The following GABRA1 variants were observed in gnomAD, a reference collection of about 807,000 sequenced individuals.
GABRA1 encodes gamma-aminobutyric acid receptor subunit alpha-1.
In GABRA1, 9 loss-of-function variants were observed where a neutral mutation model predicts 48.9. The observed-to-expected ratio is 0.18, with a 90% confidence interval of 0.11 to 0.32. The LOEUF (loss-of-function observed/expected upper bound fraction) is 0.32, where lower values mean the gene tolerates loss of function less well. GABRA1 is among the 10% of genes least tolerant of loss of function. The pLI is 1.00. For missense variants in GABRA1, 285 were observed against 553.8 expected (o/e 0.51, Z 4.87); for synonymous variants, 210 against 198.7 (o/e 1.06, Z -0.48).
chr5:161,883,235 G>C (rs975159933), intron 7 of GABRA1, among the ~76,000 whole-genome samples: 3 of 152,030 alleles, frequency 2.0e-5, no homozygotes, highest in African/African-American at 7.2e-5. Flanking sequence ...CTACAAATTC[G>C]TTTGTATCTC....
chr5:161,847,498 T>C (rs1757259348), upstream of GABRA1: 1 of 152,186 alleles, frequency 6.6e-6, no homozygotes, highest in African/African-American at 2.4e-5. Flanking sequence ...GTATTCTTGC[T>C]GTCCTCTAAG....
At chr5:161,865,599 A>C in intron 3 of GABRA1, 122 bp from the exon 4 acceptor site, 1 of 823,194 alleles carries the variant, frequency 1.2e-6, no homozygotes, top group South Asian at 1.3e-5. Context: ...TACACAGTGG[A>C]CCAATTTTAG....
chr5:161,881,824 A>G (rs1021176764), intron 6 of GABRA1: 3 of 151,690 alleles, frequency 2.0e-5, no homozygotes, highest in African/African-American at 7.3e-5. Context: ...TGAACCCGGG[A>G]GGCGGAAATT....
At chr5:161,885,256 T>C (rs1754793231) in intron 7 of GABRA1, among the ~76,000 whole-genome samples, 1 of 152,114 alleles carries the variant, frequency 6.6e-6, no homozygotes, top group South Asian at 2.1e-4. Flanking sequence ...CCTTGATAGA[T>C]TTCAGTAGAA....
chr5:161,897,298 T>C lies in GABRA1; in HGVS notation c.1247T>C (p.Val416Ala). 6.2e-7 allele frequency: 1 copy of C among 1,614,144 alleles called. No individual in the cohort carries two copies. The highest frequency in any genetic ancestry group is 8.5e-7 in the Non-Finnish European group (1 of 1,180,010). ...GAACCCAAGAAAACCTTTAACAGTG[T>C]CAGCAAAATTGACCGACTGTCAAGA... The part of the protein sequence containing the change: ...PPEPKKTFNS[V>A]SKIDRLSRIA... Residue 416 changes from valine to alanine, a missense_variant, in exon 10 of 10, where the codon GTC becomes GCC. By Grantham distance (64) the Val-to-Ala change is moderately conservative. Transcript: ENST00000393943.
intron 2 of GABRA1, among the ~76,000 whole-genome samples, chr5:161,851,425 T>C (rs1757442248): frequency 6.6e-6 from 1 of 152,146 alleles, no homozygotes; most frequent in Admixed American, 6.5e-5. Context: ...TTAAGAACTT[T>C]GGTAAAATCA....
At position 161,898,406 on chromosome 5, in the gene GABRA1, A is replaced by G. The variant is rs931133246; in HGVS notation, c.*984A>G. On this transcript the variant is annotated 3_prime_UTR_variant, in exon 10 of 10. Coordinates refer to ENST00000393943, the MANE Select transcript of GABRA1 (RefSeq NM_001127644.2). ...TTTATGACTAGCAAACAAAAATAGA[A>G]TATATAAACGATATATGTAAATATA... 6.6e-6 allele frequency: 1 copy of G among 152,608 alleles called. No homozygotes were observed. Among genetic ancestry groups the G allele is most frequent in the African/African-American group, 2.4e-5 (1 of 41,466 alleles). 9.5% of individuals were successfully genotyped at this position (152,608 alleles called of 1,614,324 possible).
chr5:161,878,152 A>T (rs1403748430), intron 6 of GABRA1, among the ~76,000 whole-genome samples: 1 of 152,212 alleles, frequency 6.6e-6, no homozygotes, highest in Non-Finnish European at 1.5e-5. Flanking sequence ...GAATGGATAA[A>T]GGTTACAAGA....
chr5:161,868,753 A>T (rs1388332421), intron 4 of GABRA1, among the ~76,000 whole-genome samples: 2 of 152,198 alleles, frequency 1.3e-5, no homozygotes, highest in African/African-American at 4.8e-5. Context: ...TTTCTTAAAA[A>T]ATAGGTGACA....
At position 161,897,455 on chromosome 5, in the gene GABRA1, T is replaced by G; in HGVS notation, c.*33T>G. On this transcript the variant is annotated 3_prime_UTR_variant, in exon 10 of 10. Coordinates refer to ENST00000393943, the MANE Select transcript of GABRA1 (RefSeq NM_001127644.2). The stretch of plus-strand genomic sequence containing the variant: ...ACTCACATTCTGTTGTTCAGTCCTC[T>G]GCACTGGGAATTTATTTATGTTCTC... The G allele has an allele frequency of 2.6e-6, 4 of 1,558,582 alleles. No individual in the cohort carries two copies. The highest frequency in any genetic ancestry group is 2.7e-6 in the Non-Finnish European group (3 of 1,130,232).
intron 6 of GABRA1, among the ~76,000 whole-genome samples, chr5:161,878,823 T>G (rs1359683760): frequency 1.3e-5 from 2 of 152,204 alleles, no homozygotes; most frequent in African/African-American, 4.8e-5. Context: ...GCTGAATCTA[T>G]TAAGGCCTTA....
At chr5:161,870,101 C>G (rs1754039909) in intron 4 of GABRA1, among the ~76,000 whole-genome samples, 1 of 152,170 alleles carries the variant, frequency 6.6e-6, no homozygotes, top group Non-Finnish European at 1.5e-5. Flanking sequence ...CAACTCACTT[C>G]TCACGATTGC....
At chr5:161,865,868 T>G (rs1272507721) in intron 4 of GABRA1, 80 bp downstream of exon 4, 1 of 1,163,870 alleles carries the variant, frequency 8.6e-7, no homozygotes, top group African/African-American at 1.5e-5. Context: ...AACTAAGTTC[T>G]TAGGGAGCAA....
At chr5:161,865,860 C>G (rs2113354580) in intron 4 of GABRA1, 72 bp downstream of exon 4, 1 of 1,333,514 alleles carries the variant, frequency 7.5e-7, no homozygotes, top group Non-Finnish European at 1.1e-6. Flanking sequence ...AAAATATAAA[C>G]TAAGTTCTTA....
At chr5:161,875,828 T>C (rs550458898) in intron 6 of GABRA1, among the ~76,000 whole-genome samples, 186 bp downstream of exon 6, 29 of 152,310 alleles carry the variant, frequency 1.9e-4, no homozygotes, top group Admixed American at 3.3e-4. Flanking sequence ...AGAGAGCTTA[T>C]TCTTTATCTA....
chr5:161,864,918 A>G (rs1424425206), intron 3 of GABRA1, among the ~76,000 whole-genome samples: 2 of 151,986 alleles, frequency 1.3e-5, no homozygotes, highest in East Asian at 1.9e-4. Flanking sequence ...GATGAAAATT[A>G]TAAAGTCATA....
intron 8 of GABRA1, among the ~76,000 whole-genome samples, chr5:161,895,054 CTATA>C (rs956018349): frequency 7.9e-5 from 12 of 151,758 alleles, no homozygotes; most frequent in African/African-American, 2.2e-4. Context: ...GAGTGTGTGT[CTATA>C]TGTATATGAG....
intron 1 of GABRA1, among the ~76,000 whole-genome samples, chr5:161,849,679 T>G (rs1051646715): frequency 3.9e-5 from 6 of 152,186 alleles, no homozygotes; most frequent in African/African-American, 1.4e-4. Flanking sequence ...AAGATTGCAG[T>G]CTATTAATCA....
intron 3 of GABRA1, among the ~76,000 whole-genome samples, chr5:161,855,492 T>A (rs2113312411): frequency 6.6e-6 from 1 of 151,566 alleles, no homozygotes; most frequent in South Asian, 2.1e-4. Context: ...ACTATACAAA[T>A]TTCCCCAGGT....
Sources: allele counts gnomAD v4.1 joint callset (sites outside exome capture counted in the v4.1 genomes callset), GRCh38; gene constraint gnomAD v4.1.1; transcripts MANE v1.5; gene names NCBI Gene and HGNC (gene_info 2026-07-23, HGNC 2026-07-21).